The following CUL3 variants were observed in gnomAD, a reference collection of about 807,000 sequenced individuals.
CUL3 encodes cullin-3.
Under a neutral mutation model 89.1 loss-of-function variants are expected in CUL3, and 19 were observed. The observed-to-expected ratio is 0.21, with a 90% CI of 0.15 to 0.31. The LOEUF is 0.31. Ranked by LOEUF, CUL3 falls within the 10% of genes least tolerant of loss-of-function variation. The pLI is 1.00. For synonymous variants in CUL3, 351 were observed against 308.4 expected, an observed-to-expected ratio of 1.14 and a Z score of -1.45; for missense variants, 469 against 942.3, an observed-to-expected ratio of 0.50 and a Z score of 6.58.
chr2:224,496,717 G>C (rs1036804087), intron 12 of CUL3, among the ~76,000 whole-genome samples: 1 of 152,058 alleles, frequency 6.6e-6, no homozygotes, highest in Admixed American at 6.6e-5. Context: ...TGGGGGAGGA[G>C]GGGGGAACTG....
At chr2:224,490,514 C>T (rs1020189828) in intron 13 of CUL3, among the ~76,000 whole-genome samples, 9 of 152,034 alleles carry the variant, frequency 5.9e-5, no homozygotes, top group Non-Finnish European at 1.3e-4. Flanking sequence ...GTAGTGGTCC[C>T]CCGGGCCCAG....
chr2:224,582,976 G>A (rs1490023067), intron 1 of CUL3, among the ~76,000 whole-genome samples: 1 of 152,190 alleles, frequency 6.6e-6, no homozygotes, highest in Admixed American at 6.5e-5. Context: ...ATTAACTTGA[G>A]TGAGTTGATG....
chr2:224,564,029 T>C (rs543138058), intron 1 of CUL3, among the ~76,000 whole-genome samples: 2 of 152,328 alleles, frequency 1.3e-5, no homozygotes, highest in East Asian at 3.9e-4. Flanking sequence ...CTCACACCTG[T>C]AATCCCAGCA....
intron 1 of CUL3, chr2:224,569,539 C>T (rs16825685): frequency 4.3e-6 from 1 of 233,692 alleles, no homozygotes; most frequent in Non-Finnish European, 7.0e-6. Flanking sequence ...ATTTTCCCAT[C>T]AGAAAAGTAT....
In CUL3 at chr2:224,511,380, T is replaced by G; in HGVS notation, c.857A>C (p.His286Pro). The G allele has an allele frequency of 6.2e-7, 1 of 1,610,886 alleles. No homozygotes were observed. Among genetic ancestry groups the G allele is most frequent in the Non-Finnish European group, 8.5e-7 (1 of 1,178,234 alleles). Reference protein sequence around the residue: ...IVEMENSGLVHMLKNGKTEDL... With the variant: ...IVEMENSGLVPMLKNGKTEDL... ...TTCTGTCTTTCCATTTTTCAACATA[T>G]GTACTAGCCCAGAATTCTCCATTTC... is the stretch of plus-strand genomic sequence containing the variant. The change falls in exon 6 of 16, where the codon CAT becomes CCT. Residue 286 changes from histidine (H) to proline (P), a missense_variant. This residue lies in a region of CUL3 where 370 missense variants were observed against 733.2 expected (regional missense o/e 0.50). Coordinates refer to ENST00000264414, the MANE Select transcript of CUL3 (RefSeq NM_003590.5).
intron 14 of CUL3, 55 bp from the exon 15 acceptor site, chr2:224,478,400 A>G: frequency 6.5e-7 from 1 of 1,548,164 alleles, no homozygotes; most frequent in Non-Finnish European, 8.8e-7. Context: ...TTTGGTTTAT[A>G]AGCAAGCTTA....
At chr2:224,525,060 A>AG (rs199772755) in intron 3 of CUL3, among the ~76,000 whole-genome samples, 1,644 of 151,996 alleles carry the variant, frequency 0.011, 29 homozygotes, top group African/African-American at 0.038. Context: ...CAGATGAGAC[A>AG]GAAAAAAAAA....
intron 1 of CUL3, chr2:224,560,538 G>A (rs1044574891): frequency 2.0e-5 from 3 of 152,870 alleles, no homozygotes; most frequent in South Asian, 2.1e-4. Context: ...CAGCTGCTCC[G>A]GCCAAAATGC....
At chr2:224,523,031 G>A (rs942516586) in intron 3 of CUL3, among the ~76,000 whole-genome samples, 15 of 152,006 alleles carry the variant, frequency 9.9e-5, no homozygotes, top group Non-Finnish European at 1.9e-4. Flanking sequence ...TAATAATCTA[G>A]AGGTCAGAGG....
chr2:224,486,363 A>G (rs1442999764), intron 13 of CUL3, among the ~76,000 whole-genome samples: 1 of 152,122 alleles, frequency 6.6e-6, no homozygotes, highest in Non-Finnish European at 1.5e-5. Flanking sequence ...GAAGCTAAGA[A>G]CCTGGATAAA....
At chr2:224,535,955 A>AC (rs1351800331) in intron 2 of CUL3, among the ~76,000 whole-genome samples, 1 of 152,174 alleles carries the variant, frequency 6.6e-6, no homozygotes, top group Non-Finnish European at 1.5e-5. Context: ...AAGGGCCTGT[A>AC]AGACTGGCTT....
In CUL3 at chr2:224,500,376, C is replaced by G. The variant is rs772779469; in HGVS notation, c.1597G>C (p.Glu533Gln). 1.9e-6 allele frequency: 3 copies of G among 1,614,042 alleles called. No homozygotes were observed. The highest frequency in any genetic ancestry group is 2.2e-5 in the South Asian group (2 of 91,072). ...ATTTTGATTTACCTTCTGAATATCT[C>G]AAAAGCATGTCTTGGTGCTGGTGGG... ...NIPPAPRHAF[E>Q]IFRRFYLAKH... is the part of the protein sequence containing the mutation. The change falls in exon 11 of 16, where the codon GAG becomes CAG. Residue 533 changes from glutamate to glutamine, a missense_variant. Glu to Gln is a conservative substitution (Grantham distance 29). Around this residue, in one of 4 missense-constraint regions of CUL3, gnomAD observed 370 missense variants for 733.2 expected, o/e 0.50. Coordinates refer to ENST00000264414, the MANE Select transcript of CUL3 (RefSeq NM_003590.5).
chr2:224,566,586 G>A (rs189194598), intron 1 of CUL3, among the ~76,000 whole-genome samples: 31 of 152,250 alleles, frequency 2.0e-4, no homozygotes, highest in African/African-American at 6.5e-4. Context: ...TGGTGTCTGG[G>A]AACTTGTCTG....
rs1425359901 is a variant in CUL3 at position 224,485,968 on chromosome 2, A to G, written c.1843-3890T>C. On this transcript the variant is annotated intron_variant, in intron 13 of 15. Coordinates refer to ENST00000264414, the MANE Select transcript of CUL3 (RefSeq NM_003590.5). The surrounding 1 kb of genome is among the most constrained non-coding windows in gnomAD (Gnocchi z 4.1). Reference sequence around the variant, plus strand: ...CTCCACTGGTGATACGTAGGTGAACAGGGTCTGGAGTGGACCTCCAGCAAA... The same window carrying G: ...CTCCACTGGTGATACGTAGGTGAACGGGGTCTGGAGTGGACCTCCAGCAAA... Among the ~76,000 whole-genome samples the G allele has an allele frequency of 6.6e-6, 1 of 152,268 alleles. No homozygotes were observed. The highest frequency in any genetic ancestry group is 2.4e-5 in the African/African-American group (1 of 41,478).
chr2:224,482,325 A>G (rs893513419), intron 13 of CUL3, among the ~76,000 whole-genome samples: 11 of 152,174 alleles, frequency 7.2e-5, no homozygotes, highest in Admixed American at 7.2e-4. Flanking sequence ...AGGAGATACA[A>G]TGGCTAATCC....
At position 224,473,515 on chromosome 2, in the gene CUL3, A is replaced by G. The variant is rs1269312090; in HGVS notation, c.*730T>C. 1 of 182,616 alleles carries G rather than the reference A, an allele frequency of 5.5e-6. No individual in the cohort carries two copies. Among genetic ancestry groups the G allele is most frequent in the Non-Finnish European group, 1.2e-5 (1 of 85,602 alleles). The allele number at this position is 182,616 out of a possible 1,614,324, so 11.3% of individuals were successfully genotyped here. On this transcript the variant is annotated 3_prime_UTR_variant, in exon 16 of 16. Transcript: ENST00000264414. ...ACAACAGCAAAAAAATTATTGTACAATTTACACATACTAAAATACTTTCTT... is the reference window on the plus strand; with the variant it reads ...ACAACAGCAAAAAAATTATTGTACAGTTTACACATACTAAAATACTTTCTT...
At chr2:224,488,634 C>G (rs1052116772) in intron 13 of CUL3, among the ~76,000 whole-genome samples, 1 of 151,968 alleles carries the variant, frequency 6.6e-6, no homozygotes, top group Non-Finnish European at 1.5e-5. Context: ...CCTACCAACC[C>G]AAAAAAGCCC....
chr2:224,563,749 C>T (rs989704612), intron 1 of CUL3, among the ~76,000 whole-genome samples: 1 of 152,126 alleles, frequency 6.6e-6, no homozygotes, highest in African/African-American at 2.4e-5. Context: ...TTACACACCC[C>T]ACACCCATTA....
chr2:224,569,752 AAAG>A, intron 1 of CUL3: 4 of 1,213,992 alleles, frequency 3.3e-6, no homozygotes, highest in Non-Finnish European at 4.2e-6. Context: ...AACTAAATGA[AAAG>A]AAGTGAATTC....
Sources: allele counts gnomAD v4.1 joint callset (sites outside exome capture counted in the v4.1 genomes callset), GRCh38; gene constraint gnomAD v4.1.1; regional missense constraint gnomAD v4.1.1; non-coding constraint Gnocchi (gnomAD v3.1); transcripts MANE v1.5; gene names NCBI Gene and HGNC (gene_info 2026-07-23, HGNC 2026-07-21).